Variants in PKIB observed in about 807,000 individuals in gnomAD.
PKIB encodes cAMP-dependent protein kinase inhibitor beta, also known as PKI-beta.
Under a neutral mutation model 4.5 loss-of-function variants are expected in PKIB, and 2 were observed. The ratio of observed to expected loss-of-function variants is 0.44; its 90% CI spans 0.18 to 1.39. The LOEUF (loss-of-function observed/expected upper bound fraction) is 1.39, where lower values mean the gene tolerates loss of function less well. PKIB is among the 40% of genes most tolerant of loss of function. The pLI, the probability that PKIB is intolerant of heterozygous loss-of-function variation, is 0.27. For missense variants in PKIB, 94 were observed against 92.6 expected (o/e 1.02, Z -0.06); for synonymous variants, 38 against 36.0 (o/e 1.06, Z -0.20).
intron 2 of PKIB, among the ~76,000 whole-genome samples, chr6:122,662,863 G>T (rs942320652): frequency 6.6e-6 from 1 of 152,202 alleles, no homozygotes; most frequent in Non-Finnish European, 1.5e-5. Context: ...AGACTCAGGG[G>T]TGTCTGATTC....
chr6:122,545,226 C>T (rs12198106), intron 2 of PKIB, among the ~76,000 whole-genome samples: 23,203 of 151,790 alleles, frequency 0.15, 1,906 homozygotes, highest in East Asian at 0.26. Context: ...AGCAAAGATA[C>T]GGAATCAACC....
At chr6:122,724,232 C>G (rs1179384194) in intron 4 of PKIB, among the ~76,000 whole-genome samples, 1 of 151,940 alleles carries the variant, frequency 6.6e-6, no homozygotes, top group African/African-American at 2.4e-5. Context: ...AACGAAGGAG[C>G]CAGGAGAAAG....
intron 3 of PKIB, among the ~76,000 whole-genome samples, chr6:122,710,771 A>C (rs1779243561): frequency 6.6e-6 from 1 of 152,182 alleles, no homozygotes; most frequent in Non-Finnish European, 1.5e-5. Flanking sequence ...GGGGCTTTGC[A>C]GAGTTGGTGT....
At chr6:122,668,655 C>G (rs2114936498) in intron 2 of PKIB, among the ~76,000 whole-genome samples, 1 of 152,286 alleles carries the variant, frequency 6.6e-6, no homozygotes, top group African/African-American at 2.4e-5. Flanking sequence ...ATCAACCAAG[C>G]CAGGTGGGGA....
rs1035623793 is a variant in PKIB, at chr6:122,527,249, G to T, written c.-248+49310G>T. 1.7e-4 allele frequency among the ~76,000 whole-genome samples: 26 copies of T among 152,144 alleles called. No individual in the cohort carries two copies. The South Asian group carries it at 5.4e-3, about 32-fold the overall frequency. ...AAACTGTTTTCCTTTCAGTAAGAAG[G>T]CTGTTTTCCTTTCTTATTATTCATG... On this transcript the variant is annotated intron_variant, in intron 2 of 6. Transcript: ENST00000392491.
intron 2 of PKIB, among the ~76,000 whole-genome samples, chr6:122,662,583 G>A (rs1777053361): frequency 6.6e-6 from 1 of 151,896 alleles, no homozygotes; most frequent in Non-Finnish European, 1.5e-5. Flanking sequence ...GCCTCCCAAA[G>A]TGCTGGGATT....
In PKIB at chr6:122,503,103, A is replaced by G. The variant is rs534189340; in HGVS notation, c.-248+25164A>G. On this transcript the variant is annotated intron_variant, in intron 2 of 6. Coordinates refer to the PKIB transcript ENST00000392491. ...TCTCTTTCAAGATTCTTTTAAGGACACTAATTCTATTCAGGAGGGCTCCAC... is the reference window on the plus strand; with the variant it reads ...TCTCTTTCAAGATTCTTTTAAGGACGCTAATTCTATTCAGGAGGGCTCCAC... 2.0e-5 allele frequency among the ~76,000 whole-genome samples: 3 copies of G among 152,284 alleles called. No homozygotes were observed. The South Asian group carries it at 6.2e-4, about 32-fold the overall frequency.
chr6:122,685,301 T>C (rs183460270), intron 3 of PKIB, among the ~76,000 whole-genome samples: 2 of 152,304 alleles, frequency 1.3e-5, no homozygotes, highest in Non-Finnish European at 2.9e-5. Flanking sequence ...CCAATTTGTA[T>C]TTCCCAGATA....
intron 3 of PKIB, among the ~76,000 whole-genome samples, chr6:122,713,983 C>T (rs547548614): frequency 2.6e-5 from 4 of 152,148 alleles, no homozygotes; most frequent in Non-Finnish European, 4.4e-5. Flanking sequence ...TGTGGTATAA[C>T]ATTCCATAAC....
chr6:122,721,934 G>C (rs1469224976), intron 4 of PKIB, among the ~76,000 whole-genome samples: 1 of 152,024 alleles, frequency 6.6e-6, no homozygotes, highest in Admixed American at 6.5e-5. Context: ...AAAAAAGTGA[G>C]ATAAGTAACA....
chr6:122,611,978 GT>G (rs2114762002), intron 1 of PKIB, among the ~76,000 whole-genome samples: 1 of 152,256 alleles, frequency 6.6e-6, no homozygotes, highest in East Asian at 1.9e-4. Context: ...TTTGGAAAAC[GT>G]TTTTAGTAAT....
chr6:122,575,819 G>A (rs948585623), intron 2 of PKIB, among the ~76,000 whole-genome samples: 3 of 152,068 alleles, frequency 2.0e-5, no homozygotes, highest in African/African-American at 4.8e-5. Flanking sequence ...TGTACTGCTT[G>A]GGTGACAAGT....
chr6:122,539,911 A>T (rs1777539373), intron 2 of PKIB, among the ~76,000 whole-genome samples: 1 of 151,958 alleles, frequency 6.6e-6, no homozygotes, highest in Non-Finnish European at 1.5e-5. Flanking sequence ...TAGTCTTGGG[A>T]GGGTGTATGT....
chr6:122,719,710 CACACAT>C lies in PKIB; in HGVS notation c.169+1753_169+1758del, dbSNP rs1179815083. Among the ~76,000 whole-genome samples the C allele has an allele frequency of 1.1e-3, 59 of 54,356 alleles. 2 individuals are homozygous for C. Among genetic ancestry groups the C allele is most frequent in the African/African-American group, 1.8e-3 (37 of 20,442 alleles). 35.7% of individuals were successfully genotyped at this position (54,356 alleles called of 152,430 possible). ...GTGAGTAGATTGTGAGTGTTCCCAC[CACACAT>C]ACACACACACACACACACACACACA... On this transcript the variant is annotated intron_variant, in intron 4 of 4. Transcript: ENST00000368452.
chr6:122,504,065 A>G (rs1403350849), intron 2 of PKIB, among the ~76,000 whole-genome samples: 7 of 152,162 alleles, frequency 4.6e-5, no homozygotes, highest in Non-Finnish European at 8.8e-5. Flanking sequence ...AGATATATTC[A>G]TATGCATTTT....
At chr6:122,682,964 C>T (rs145128250) in intron 3 of PKIB, among the ~76,000 whole-genome samples, 2 of 152,098 alleles carry the variant, frequency 1.3e-5, no homozygotes, top group Non-Finnish European at 2.9e-5. Context: ...TTGGTTGGGC[C>T]CATTCACAAG....
intron 3 of PKIB, among the ~76,000 whole-genome samples, chr6:122,696,456 A>C (rs1378821654): frequency 6.6e-6 from 1 of 152,222 alleles, no homozygotes; most frequent in Non-Finnish European, 1.5e-5. Flanking sequence ...ATCCAAATGT[A>C]AAGAGGACTA....
At chr6:122,492,816 CTT>C (rs1464821610) in intron 2 of PKIB, among the ~76,000 whole-genome samples, 3 of 149,188 alleles carry the variant, frequency 2.0e-5, no homozygotes, top group Non-Finnish European at 4.4e-5. Flanking sequence ...TTACTGGAAG[CTT>C]TGGTTTCCTT....
chr6:122,607,828 T>C (rs7754101), upstream of PKIB, among the ~76,000 whole-genome samples: 19,037 of 152,238 alleles, frequency 0.13, 1,381 homozygotes, highest in Non-Finnish European at 0.15. Flanking sequence ...TCTGAAGTCT[T>C]AATTGTCTCT....
Sources: gnomAD v4.1 joint callset for allele counts (sites outside exome capture counted in the v4.1 genomes callset) on GRCh38, gnomAD v4.1.1 for gene constraint, MANE v1.5 for transcripts, NCBI Gene and HGNC (gene_info 2026-07-23, HGNC 2026-07-21) for gene names.